GTPBP2: variants seen among roughly 807,000 people sequenced by gnomAD.
The protein encoded by GTPBP2 is GTP-binding protein 2.
A neutral mutation model predicts 63.0 loss-of-function variants in GTPBP2; 32 were observed. That is an observed-to-expected ratio of 0.51 (90% CI 0.38 to 0.68). The LOEUF (loss-of-function observed/expected upper bound fraction) is 0.68. Ranked by LOEUF, GTPBP2 falls within the 30% of genes least tolerant of loss-of-function variation. The pLI is 0.00. For missense variants in GTPBP2, 492 were observed against 796.9 expected (o/e 0.62, Z 4.61); for synonymous variants, 310 against 322.6 (o/e 0.96, Z 0.42).
rs749531849 is a variant in GTPBP2, at chr6:43,621,176, G to T, written c.*438C>A. The T allele has an allele frequency of 1.5e-5, 5 of 342,552 alleles. No individual in the cohort carries two copies. The East Asian group carries it at 3.8e-4, about 26-fold the overall frequency. 21.2% of individuals were successfully genotyped at this position (342,552 alleles called of 1,614,324 possible). On this transcript the variant is annotated 3_prime_UTR_variant, in exon 12 of 12. Coordinates refer to ENST00000307126, the MANE Select transcript of GTPBP2 (RefSeq NM_019096.5). ...TTTTGTCCACAGCCAGGTAGAGATG[G>T]GCAACTTACATGGCCTTGAGAAGAG...
At chr6:43,623,845 G>A in intron 8 of GTPBP2, 50 bp from the exon 9 acceptor site, 1 of 1,608,766 alleles carries the variant, frequency 6.2e-7, no homozygotes, top group Non-Finnish European at 8.5e-7. Context: ...GGGCTGGTGG[G>A]TCCAAAATCT....
Position 43,622,626 on chromosome 6 carries a change from A to C in GTPBP2, c.1467+7T>G. The C allele has an allele frequency of 6.2e-7, 1 of 1,607,524 alleles. No individual in the cohort carries two copies. Among genetic ancestry groups the C allele is most frequent in the Non-Finnish European group, 8.5e-7 (1 of 1,174,846 alleles). On this transcript the variant is annotated splice_region_variant and intron_variant, in intron 10 of 11. Coordinates refer to ENST00000307126, the MANE Select transcript of GTPBP2 (RefSeq NM_019096.5). The surrounding 1 kb of genome is among the most constrained non-coding windows in gnomAD (Gnocchi z 5.4). ...CGTTCCCTCCCCAACCCATGCACCC[A>C]CCTCACCTTGCGAAGCAGTGCACGG...
In GTPBP2 at chr6:43,624,479, G is replaced by A. The variant is rs1769135539; in HGVS notation, c.1100+31C>T. The A allele has an allele frequency of 6.6e-7, 1 of 1,516,560 alleles. No homozygotes were observed. Among genetic ancestry groups the A allele is most frequent in the African/African-American group, 1.4e-5 (1 of 73,154 alleles). 93.9% of individuals were successfully genotyped at this position (1,516,560 alleles called of 1,614,324 possible). The stretch of plus-strand genomic sequence containing the variant: ...TGGGCTCTGTGGCAGCCTTCCTAGT[G>A]GATCAGGGCTTTAGAGTAAGGTGGG... On this transcript the variant is annotated intron_variant, in intron 7 of 11. Coordinates refer to ENST00000307126, the MANE Select transcript of GTPBP2 (RefSeq NM_019096.5). The surrounding 1 kb of genome is among the most constrained non-coding windows in gnomAD (Gnocchi z 5.1).
chr6:43,625,261 T>C lies in GTPBP2; in HGVS notation c.705+102A>G, dbSNP rs1769207239. 1 of 1,169,746 alleles carries C rather than the reference T, an allele frequency of 8.5e-7. No homozygotes were observed. The highest frequency in any genetic ancestry group is 1.3e-6 in the Non-Finnish European group (1 of 787,706). 72.5% of individuals were successfully genotyped at this position (1,169,746 alleles called of 1,614,324 possible). On this transcript the variant is annotated intron_variant, in intron 5 of 11. Coordinates refer to ENST00000307126, the MANE Select transcript of GTPBP2 (RefSeq NM_019096.5). This position sits in a 1 kb window ranked among gnomAD's most constrained non-coding sequence, Gnocchi z 5.1. ...GTCCCCTCAGGGCATTCATCTATAC[T>C]ATTTCAAAAAGTCTCCACACTCTAC...
chr6:43,624,506 T>G lies in GTPBP2; in HGVS notation c.1100+4A>C, dbSNP rs1247912926. 18 of 1,607,980 alleles carry G rather than the reference T, an allele frequency of 1.1e-5. No homozygotes were observed. The highest frequency in any genetic ancestry group is 1.5e-5 in the Non-Finnish European group (18 of 1,176,302). On this transcript the variant is annotated splice_donor_region_variant and intron_variant, in intron 7 of 11. Transcript: ENST00000307126. The surrounding 1 kb of genome is among the most constrained non-coding windows in gnomAD (Gnocchi z 5.1). ...ATCAGGGCTTTAGAGTAAGGTGGGCTTACTTGGGTGACTGAGCAAACTGCT... is the reference window on the plus strand; with the variant it reads ...ATCAGGGCTTTAGAGTAAGGTGGGCGTACTTGGGTGACTGAGCAAACTGCT...
chr6:43,628,534 C>CTGTG (rs1769611954), intron 1 of GTPBP2: 2 of 973,324 alleles, frequency 2.1e-6, no homozygotes, highest in African/African-American at 3.5e-5. Context: ...TTCCCGAGTA[C>CTGTG]TGTGTGTGTG....
At position 43,622,624 on chromosome 6, in the gene GTPBP2, C is replaced by A; in HGVS notation, c.1467+9G>T. ...AGCGTTCCCTCCCCAACCCATGCAC[C>A]CACCTCACCTTGCGAAGCAGTGCAC... On this transcript the variant is annotated intron_variant, in intron 10 of 11. Coordinates refer to ENST00000307126, the MANE Select transcript of GTPBP2 (RefSeq NM_019096.5). This position sits in a 1 kb window ranked among gnomAD's most constrained non-coding sequence, Gnocchi z 5.4. The A allele has an allele frequency of 6.2e-7, 1 of 1,606,036 alleles. No individual in the cohort carries two copies. Among genetic ancestry groups the A allele is most frequent in the South Asian group, 1.1e-5 (1 of 90,854 alleles).
rs771777022 is a variant in GTPBP2 at position 43,623,798 on chromosome 6, G to C, written c.1237-3C>G. ...GGTACTGTGTAGATTTCATCCACCT[G>C]AAGCCAAAGAAAACGCTATCAATGG... On this transcript the variant is annotated splice_polypyrimidine_tract_variant and splice_region_variant and intron_variant, in intron 8 of 11. Coordinates refer to ENST00000307126, the MANE Select transcript of GTPBP2 (RefSeq NM_019096.5). The C allele has an allele frequency of 6.2e-7, 1 of 1,608,870 alleles. No homozygotes were observed. Among genetic ancestry groups the C allele is most frequent in the South Asian group, 1.1e-5 (1 of 90,534 alleles).
intron 1 of GTPBP2, chr6:43,628,731 A>C: frequency 1.4e-6 from 1 of 739,162 alleles, no homozygotes; most frequent in Non-Finnish European, 2.5e-6. Context: ...TCCTGGGGTA[A>C]TCTAGATCAG....
Position 43,624,715 on chromosome 6 carries a change from C to T in GTPBP2, c.895G>A (p.Glu299Lys). Residue 299 changes from glutamate (E) to lysine (K), a missense_variant, in exon 7 of 12, where the codon GAA (glutamate) becomes AAA (lysine). Physicochemically the swap from Glu to Lys is moderately conservative, Grantham distance 56. Around this residue, in one of 2 missense-constraint regions of GTPBP2, gnomAD observed 400 missense variants for 710.8 expected, o/e 0.56. Transcript: ENST00000307126. The surrounding 1 kb of genome is among the most constrained non-coding windows in gnomAD (Gnocchi z 5.1). The part of the protein sequence containing the change: ...ANTGIAGTTR[E>K]HLGLALALKV... The stretch of plus-strand genomic sequence containing the variant: ...AGGGCCAGGGCCAGCCCCAGATGTT[C>T]CCTTGTGGTGCCAGCTGCCTCATAA... 1.2e-6 allele frequency: 2 copies of T among 1,613,778 alleles called. No homozygotes were observed. Among genetic ancestry groups the T allele is most frequent in the Non-Finnish European group, 1.7e-6 (2 of 1,179,980 alleles).
chr6:43,624,953 A>G lies in GTPBP2; in HGVS notation c.815T>C (p.Ile272Thr). The part of the protein sequence containing the change: ...AGHHKYLHTT[I>T]FGLTSYCPDC... ...GGGGCAGTATGATGTGAGGCCAAAG[A>G]TGGTGGTGTGTAGGTACTTATGGTG... The change falls in exon 6 of 12, where the codon ATC becomes ACC. Residue 272 changes from isoleucine (I) to threonine (T), a missense_variant. Coordinates refer to ENST00000307126, the MANE Select transcript of GTPBP2 (RefSeq NM_019096.5). The surrounding 1 kb of genome is among the most constrained non-coding windows in gnomAD (Gnocchi z 5.1). 6.2e-6 allele frequency: 10 copies of G among 1,614,094 alleles called. No individual in the cohort carries two copies. Among genetic ancestry groups the G allele is most frequent in the Non-Finnish European group, 8.5e-6 (10 of 1,179,996 alleles).
upstream of GTPBP2, among the ~76,000 whole-genome samples, chr6:43,631,299 ACTG>A (rs1446864558): frequency 6.6e-6 from 1 of 152,132 alleles, no homozygotes; most frequent in Admixed American, 6.6e-5. Context: ...TACTAGGGAA[ACTG>A]CTGCTTAGAG....
In GTPBP2 at chr6:43,625,863, C is replaced by A. The variant is rs1365848266; in HGVS notation, c.400G>T (p.Val134Phe). 1 of 1,612,270 alleles carries A rather than the reference C, an allele frequency of 6.2e-7. No individual in the cohort carries two copies. Among genetic ancestry groups the A allele is most frequent in the Admixed American group, 1.7e-5 (1 of 60,016 alleles). ...LKTLHRMAEK[V>F]GADITVLRER... ...CGAAGAACGGTTATGTCTGCCCCAACCCTGTCACAGCAAGGCCACAGCTGC... is the reference window on the plus strand; with the variant it reads ...CGAAGAACGGTTATGTCTGCCCCAAACCTGTCACAGCAAGGCCACAGCTGC... The change falls in exon 4 of 12, where the codon GTT (valine) becomes TTT (phenylalanine). Residue 134 changes from valine (V) to phenylalanine (F), a missense_variant and splice_region_variant. Physicochemically the swap from Val to Phe is conservative, Grantham distance 50. This residue lies in a region of GTPBP2 where 400 missense variants were observed against 710.8 expected (regional missense o/e 0.56). Transcript: ENST00000307126. The surrounding 1 kb of genome is among the most constrained non-coding windows in gnomAD (Gnocchi z 5.1).
At position 43,620,732 on chromosome 6, in the gene GTPBP2, C is replaced by CT. The variant is rs1230734644; in HGVS notation, c.*881dup. ...GGAAGGGAACAGTCACTACAAATTA[C>CT]TAAAACGAGGGTTTAGGTGGGGCAG... On this transcript the variant is annotated 3_prime_UTR_variant, in exon 12 of 12. Coordinates refer to ENST00000307126, the MANE Select transcript of GTPBP2 (RefSeq NM_019096.5). 1 of 152,830 alleles carries CT rather than the reference C, an allele frequency of 6.5e-6. No homozygotes were observed. The highest frequency in any genetic ancestry group is 1.5e-5 in the Non-Finnish European group (1 of 68,290). 9.5% of individuals were successfully genotyped at this position (152,830 alleles called of 1,614,324 possible). A position where few individuals can be genotyped will look rare whatever the true frequency, so the allele number is the denominator to read the frequency against.
chr6:43,629,431 G>A, upstream of GTPBP2: 3 of 564,006 alleles, frequency 5.3e-6, no homozygotes, highest in Non-Finnish European at 3.1e-6. Flanking sequence ...GCAAGTGGCC[G>A]CGGGAGTCGT....
In GTPBP2 at chr6:43,620,617, G is replaced by A. The variant is rs1173789094; in HGVS notation, c.*997C>T. 1.3e-5 allele frequency: 2 copies of A among 153,542 alleles called. No homozygotes were observed. The highest frequency in any genetic ancestry group is 4.8e-5 in the African/African-American group (2 of 41,364). 9.5% of individuals were successfully genotyped at this position (153,542 alleles called of 1,614,324 possible). The stretch of plus-strand genomic sequence containing the variant: ...AATCCCTGAGTCCATGGGAACCCAG[G>A]ACACTAACAAAGGGAAAGGAGAGTC... On this transcript the variant is annotated 3_prime_UTR_variant, in exon 12 of 12. Transcript: ENST00000307126.
At chr6:43,628,224 C>T (rs1409116742) in intron 1 of GTPBP2, among the ~76,000 whole-genome samples, 1 of 151,966 alleles carries the variant, frequency 6.6e-6, no homozygotes, top group African/African-American at 2.4e-5. Context: ...ATTATCTGGG[C>T]GTGGTGGCGG....
Position 43,622,535 on chromosome 6 carries a change from G to T in GTPBP2, c.1467+98C>A. The T allele has an allele frequency of 8.5e-7, 1 of 1,172,788 alleles. No individual in the cohort carries two copies. Among genetic ancestry groups the T allele is most frequent in the South Asian group, 1.5e-5 (1 of 68,878 alleles). The allele number at this position is 1,172,788 out of a possible 1,614,324, so 72.6% of individuals were successfully genotyped here. On this transcript the variant is annotated intron_variant, in intron 10 of 11. Transcript: ENST00000307126. The surrounding 1 kb of genome is among the most constrained non-coding windows in gnomAD (Gnocchi z 5.4). ...TTGGGTCAGAGAGTGTGTTTCCTCT[G>T]AGTTTCTCTGAAGCACCTTAGATAG...
In GTPBP2 at chr6:43,620,804, T is replaced by A. The variant is rs1768666234; in HGVS notation, c.*810A>T. On this transcript the variant is annotated 3_prime_UTR_variant, in exon 12 of 12. Coordinates refer to ENST00000307126, the MANE Select transcript of GTPBP2 (RefSeq NM_019096.5). The stretch of plus-strand genomic sequence containing the variant: ...GGATGGGGAACTCAGATGCCACCAG[T>A]CTGGGAAAGTAAAACATTTGATCCA... 1 of 153,138 alleles carries A rather than the reference T, an allele frequency of 6.5e-6. No homozygotes were observed. Among genetic ancestry groups the A allele is most frequent in the Non-Finnish European group, 1.5e-5 (1 of 68,532 alleles). 9.5% of individuals were successfully genotyped at this position (153,138 alleles called of 1,614,324 possible).
Sources: allele counts gnomAD v4.1 joint callset (sites outside exome capture counted in the v4.1 genomes callset), GRCh38; gene constraint gnomAD v4.1.1; regional missense constraint gnomAD v4.1.1; non-coding constraint Gnocchi (gnomAD v3.1); transcripts MANE v1.5; gene names NCBI Gene and HGNC (gene_info 2026-07-23, HGNC 2026-07-21).